Variants in CCDC146 observed in about 807,000 individuals in gnomAD.
The protein encoded by CCDC146 is coiled-coil domain containing 146.
In CCDC146, 92 loss-of-function variants were observed where a neutral mutation model predicts 119.3. The observed-to-expected ratio is 0.77, with a 90% CI of 0.65 to 0.92. The LOEUF (loss-of-function observed/expected upper bound fraction) is 0.92. CCDC146 is among the 40% of genes least tolerant of loss of function. The probability of loss-of-function intolerance (pLI) is 0.00; values close to 1 mark genes in which losing one functional copy is unlikely to be tolerated. For missense variants in CCDC146, 1,000 were observed against 1,103.0 expected (o/e 0.91, Z 1.32); for synonymous variants, 372 against 371.8 (o/e 1.00, Z -0.01).
At chr7:77,273,506 TTTTATTTA>T (rs150662330) in intron 9 of CCDC146, among the ~76,000 whole-genome samples, 180 bp from the exon 10 acceptor site, 2 of 149,614 alleles carry the variant, frequency 1.3e-5, no homozygotes, top group African/African-American at 2.5e-5. Flanking sequence ...CAGCAGTGAA[TTTTATTTA>T]TTTATTTATT....
In CCDC146 at chr7:77,274,476, C is replaced by T; in HGVS notation, c.1270-6C>T. On this transcript the variant is annotated splice_region_variant and splice_polypyrimidine_tract_variant and intron_variant, in intron 10 of 18. Coordinates refer to ENST00000285871, the MANE Select transcript of CCDC146 (RefSeq NM_020879.3). ...TTATAATATTATCTGTGTTTTTTTT[C>T]AAAAGAAAATTATATCAGAAATGGA... 2.0e-6 allele frequency: 3 copies of T among 1,506,766 alleles called. No individual in the cohort carries two copies. The highest frequency in any genetic ancestry group is 1.8e-6 in the Non-Finnish European group (2 of 1,123,042). The allele number at this position is 1,506,766 out of a possible 1,614,324, so 93.3% of individuals were successfully genotyped here.
chr7:77,255,184 C>G (rs1039489429), intron 5 of CCDC146: 1 of 152,064 alleles, frequency 6.6e-6, no homozygotes, highest in East Asian at 1.9e-4. Context: ...TATGTAAGAC[C>G]TTTTTGGGCC....
chr7:77,192,263 A>G (rs1180852908), intron 2 of CCDC146, among the ~76,000 whole-genome samples: 5 of 152,158 alleles, frequency 3.3e-5, no homozygotes, highest in African/African-American at 1.2e-4. Flanking sequence ...TATATATGTG[A>G]TTTAATCCTC....
intron 3 of CCDC146, among the ~76,000 whole-genome samples, chr7:77,237,243 C>A (rs1332991148): frequency 6.6e-6 from 1 of 152,148 alleles, no homozygotes; most frequent in African/African-American, 2.4e-5. Context: ...CCGTGTACAT[C>A]TGCGAGTTTA....
Position 77,196,582 on chromosome 7 carries a change from A to C in CCDC146, c.156+28758A>C. The C allele has an allele frequency of 1.9e-6, 3 of 1,614,176 alleles. No individual in the cohort carries two copies. The highest frequency in any genetic ancestry group is 2.5e-6 in the Non-Finnish European group (3 of 1,180,014). ...GTTTGTTGAAACGTAATGCATCTCC[A>C]GCTGTGCCATTATAGTTACCAACGT... On this transcript the variant is annotated intron_variant, in intron 2 of 18. Coordinates refer to ENST00000285871, the MANE Select transcript of CCDC146 (RefSeq NM_020879.3). The surrounding 1 kb of genome is among the most constrained non-coding windows in gnomAD (Gnocchi z 4.2).
intron 2 of CCDC146, 63 bp from the exon 3 acceptor site, chr7:77,236,884 C>A: frequency 8.3e-7 from 1 of 1,202,392 alleles, no homozygotes; most frequent in Non-Finnish European, 1.2e-6. Flanking sequence ...TATATCCATT[C>A]CATCCCCTGC....
intron 9 of CCDC146, among the ~76,000 whole-genome samples, chr7:77,262,712 A>G (rs3108433): frequency 0.86 from 130,970 of 152,186 alleles, 56,899 homozygotes; most frequent in East Asian, 0.98. Context: ...CATAGACATA[A>G]ATGATCAGCA....
intron 2 of CCDC146, among the ~76,000 whole-genome samples, chr7:77,185,813 A>C (rs1037711218): frequency 3.3e-5 from 5 of 152,184 alleles, no homozygotes; most frequent in Non-Finnish European, 7.3e-5. Flanking sequence ...GACAATTCAA[A>C]ATAGTTGTTT....
chr7:77,252,406 G>A (rs1793093114), intron 4 of CCDC146, among the ~76,000 whole-genome samples: 1 of 152,078 alleles, frequency 6.6e-6, no homozygotes, highest in African/African-American at 2.4e-5. Context: ...AATTAAAAAT[G>A]AAGAAAAAAT....
chr7:77,131,496 T>G (rs970613247), intron 1 of CCDC146, among the ~76,000 whole-genome samples: 9 of 151,996 alleles, frequency 5.9e-5, no homozygotes, highest in African/African-American at 2.2e-4. Context: ...GGTGGGCTGA[T>G]TACTTGAGGT....
Position 77,241,718 on chromosome 7 carries a change from A to G in CCDC146, c.267A>G (p.Leu89=), listed in dbSNP as rs1403744334. Reference sequence around the variant, plus strand: ...CACAAGAGTCAGAGGTCCAACTGCTACAGAATGCCAAACGTTTCACTGAGC... The same window carrying G: ...CACAAGAGTCAGAGGTCCAACTGCTGCAGAATGCCAAACGTTTCACTGAGC... ...MSTQESEVQL[L]QNAKRFTEQI... The change falls in exon 4 of 19, where the codon CTA becomes CTG. Residue 89 remains leucine, a synonymous_variant. Transcript: ENST00000285871. 11 of 1,613,962 alleles carry G rather than the reference A, an allele frequency of 6.8e-6. No homozygotes were observed. The highest frequency in any genetic ancestry group is 9.3e-6 in the Non-Finnish European group (11 of 1,180,030).
chr7:77,220,145 A>G (rs549248156), intron 2 of CCDC146, among the ~76,000 whole-genome samples: 6 of 152,314 alleles, frequency 3.9e-5, no homozygotes, highest in African/African-American at 1.4e-4. Context: ...CTACAACTGC[A>G]TAAGACAGAC....
Position 77,275,801 on chromosome 7 carries a change from C to A in CCDC146, c.1440+1149C>A, listed in dbSNP as rs77758801. Among the ~76,000 whole-genome samples the A allele has an allele frequency of 8.4e-3, 1,285 of 152,262 alleles. 18 individuals carry two copies. The highest frequency in any genetic ancestry group is 0.029 in the African/African-American group (1,207 of 41,538). ...ATGGTAAGGCAGCACTCCTGTCATG[C>A]AAGCTAAAATTCTACCATTAGAATT... On this transcript the variant is annotated intron_variant, in intron 11 of 18. Transcript: ENST00000285871.
chr7:77,224,203 T>C (rs1472538540), intron 2 of CCDC146, among the ~76,000 whole-genome samples: 1 of 152,204 alleles, frequency 6.6e-6, no homozygotes, highest in African/African-American at 2.4e-5. Context: ...TGAGCCTCAG[T>C]TGGCTAAAAT....
At chr7:77,139,976 C>A (rs561503428) in intron 1 of CCDC146, among the ~76,000 whole-genome samples, 1 of 151,452 alleles carries the variant, frequency 6.6e-6, no homozygotes, top group Non-Finnish European at 1.5e-5. Flanking sequence ...CTCACTGCAA[C>A]CTCCGCCTCC....
At chr7:77,154,884 C>T (rs1236537459) in intron 1 of CCDC146, among the ~76,000 whole-genome samples, 1 of 151,970 alleles carries the variant, frequency 6.6e-6, no homozygotes, top group Admixed American at 6.6e-5. Flanking sequence ...GCCACACTGT[C>T]TTCCACAGTG....
chr7:77,127,430 C>T (rs10227918), intron 1 of CCDC146, among the ~76,000 whole-genome samples: 5,758 of 152,186 alleles, frequency 0.038, 403 homozygotes, highest in African/African-American at 0.13. Flanking sequence ...GCCTTTCCTC[C>T]CTACTGCAGC....
chr7:77,253,918 C>T (rs1233755639), intron 4 of CCDC146, among the ~76,000 whole-genome samples: 2 of 152,116 alleles, frequency 1.3e-5, no homozygotes, highest in Non-Finnish European at 2.9e-5. Context: ...GGCAAGAAAG[C>T]CAGTGTGACT....
intron 1 of CCDC146, among the ~76,000 whole-genome samples, chr7:77,135,719 G>A (rs917130546): frequency 1.3e-5 from 2 of 152,152 alleles, no homozygotes; most frequent in Non-Finnish European, 2.9e-5. Flanking sequence ...AAAAGACAGA[G>A]ATTGTCAGAG....
Sources: gnomAD v4.1 joint callset for allele counts (sites outside exome capture counted in the v4.1 genomes callset) on GRCh38, gnomAD v4.1.1 for gene constraint, Gnocchi (gnomAD v3.1) non-coding constraint, MANE v1.5 for transcripts, NCBI Gene and HGNC (gene_info 2026-07-23, HGNC 2026-07-21) for gene names.